The following GLRA3 variants were observed in gnomAD, a reference collection of about 807,000 sequenced individuals.
The protein encoded by GLRA3 is glycine receptor alpha 3.
GLRA3 carries 44 observed loss-of-function variants against 60.4 expected under a neutral mutation model. The observed-to-expected ratio is 0.73, with a 90% CI of 0.57 to 0.94. GLRA3 has a LOEUF of 0.94. Among genes scored for constraint, GLRA3 ranks in the 40% least tolerant of loss-of-function variants. The pLI is 0.00. For synonymous variants in GLRA3, 223 were observed against 192.9 expected (o/e 1.16, Z -1.29); for missense variants, 508 against 564.6 (o/e 0.90, Z 1.02).
chr4:174,693,684 G>C (rs532792775), intron 5 of GLRA3, among the ~76,000 whole-genome samples: 1 of 152,244 alleles, frequency 6.6e-6, no homozygotes, highest in Non-Finnish European at 1.5e-5. Flanking sequence ...CTAGTTCTGT[G>C]AAGAATGTCA....
chr4:174,742,901 T>C (rs1252131173), intron 3 of GLRA3, among the ~76,000 whole-genome samples: 1 of 152,160 alleles, frequency 6.6e-6, no homozygotes, highest in Non-Finnish European at 1.5e-5. Flanking sequence ...TTATTGAAGA[T>C]CCATTCTGTT....
chr4:174,659,278 T>C (rs1733341281), intron 7 of GLRA3, 81 bp from the exon 8 acceptor site: 1 of 1,020,484 alleles, frequency 9.8e-7, no homozygotes. Context: ...TTTTTCTGAT[T>C]CTGAATTATG....
At chr4:174,808,710 A>T (rs1397762059) in intron 1 of GLRA3, among the ~76,000 whole-genome samples, 1 of 152,056 alleles carries the variant, frequency 6.6e-6, no homozygotes, top group African/African-American at 2.4e-5. Context: ...GAGGTGGAAG[A>T]TGGTGATAGT....
intron 3 of GLRA3, among the ~76,000 whole-genome samples, chr4:174,745,201 T>C (rs1277079403): frequency 6.6e-6 from 1 of 152,044 alleles, no homozygotes; most frequent in South Asian, 2.1e-4. Context: ...GGTGAAGAAA[T>C]GTTAAAAGGG....
chr4:174,751,769 A>G (rs1432127476), intron 3 of GLRA3, among the ~76,000 whole-genome samples: 1 of 152,018 alleles, frequency 6.6e-6, no homozygotes, highest in Non-Finnish European at 1.5e-5. Flanking sequence ...AGAGGACAGT[A>G]TGGTTCCTGA....
intron 1 of GLRA3, among the ~76,000 whole-genome samples, chr4:174,795,765 G>T (rs1444914748): frequency 6.6e-6 from 1 of 152,150 alleles, no homozygotes. Context: ...ACACAAATCT[G>T]AATCTTTAAA....
At chr4:174,794,256 A>C (rs1739473073) in intron 1 of GLRA3, among the ~76,000 whole-genome samples, 1 of 152,194 alleles carries the variant, frequency 6.6e-6, no homozygotes, top group Non-Finnish European at 1.5e-5. Flanking sequence ...TAAGGTATTA[A>C]AAATTCTCCA....
At chr4:174,744,859 A>G (rs1226238778) in intron 3 of GLRA3, among the ~76,000 whole-genome samples, 2 of 152,202 alleles carry the variant, frequency 1.3e-5, no homozygotes, top group Non-Finnish European at 1.5e-5. Context: ...ATATTAAAAA[A>G]GCTTAGTGAG....
chr4:174,724,746 G>A (rs955972526), intron 4 of GLRA3, among the ~76,000 whole-genome samples: 1 of 152,048 alleles, frequency 6.6e-6, no homozygotes, highest in African/African-American at 2.4e-5. Flanking sequence ...ATCCAAGAAT[G>A]TTTTGATTTC....
chr4:174,651,804 CTTTGTGTTT>C (rs1411866884), intron 9 of GLRA3, among the ~76,000 whole-genome samples: 1 of 152,126 alleles, frequency 6.6e-6, no homozygotes, highest in Non-Finnish European at 1.5e-5. Flanking sequence ...ACCAAAGAGT[CTTTGTGTTT>C]TAAATGTGTT....
At chr4:174,756,369 T>G (rs965642099) in intron 3 of GLRA3, among the ~76,000 whole-genome samples, 3 of 152,126 alleles carry the variant, frequency 2.0e-5, no homozygotes, top group African/African-American at 7.2e-5. Context: ...ATTAGAAATT[T>G]AAATCTAGCA....
intron 4 of GLRA3, among the ~76,000 whole-genome samples, chr4:174,724,191 A>G (rs1736231935): frequency 6.6e-6 from 1 of 151,884 alleles, no homozygotes; most frequent in Admixed American, 6.6e-5. Flanking sequence ...TGGGGTTATT[A>G]CTGTGTTCAG....
intron 1 of GLRA3, among the ~76,000 whole-genome samples, chr4:174,805,896 A>C (rs1740031263): frequency 6.6e-6 from 1 of 152,148 alleles, no homozygotes; most frequent in Non-Finnish European, 1.5e-5. Flanking sequence ...TCAACTCTTC[A>C]AACTTTTGTG....
intron 1 of GLRA3, among the ~76,000 whole-genome samples, chr4:174,815,183 C>T (rs896292777): frequency 1.3e-5 from 2 of 152,222 alleles, no homozygotes; most frequent in African/African-American, 4.8e-5. Flanking sequence ...CCAAGATGAT[C>T]TCCTTTGACT....
chr4:174,747,533 G>A (rs890691574), intron 3 of GLRA3, among the ~76,000 whole-genome samples: 1 of 152,100 alleles, frequency 6.6e-6, no homozygotes, highest in African/African-American at 2.4e-5. Flanking sequence ...TGATTGGGTG[G>A]GTAGTAAGGG....
chr4:174,663,739 C>G (rs1474412759), intron 7 of GLRA3, among the ~76,000 whole-genome samples: 3 of 152,174 alleles, frequency 2.0e-5, no homozygotes, highest in African/African-American at 7.2e-5. Context: ...AAAATAAAGA[C>G]AGCAGTTCTT....
intron 3 of GLRA3, among the ~76,000 whole-genome samples, chr4:174,742,361 T>C (rs933889350): frequency 4.6e-5 from 7 of 152,188 alleles, no homozygotes; most frequent in Admixed American, 1.3e-4. Context: ...TTGTTCAGAA[T>C]GAAATAGTTG....
At chr4:174,703,324 C>G (rs1579474185) in intron 5 of GLRA3, among the ~76,000 whole-genome samples, 1 of 152,226 alleles carries the variant, frequency 6.6e-6, no homozygotes, top group East Asian at 1.9e-4. Flanking sequence ...CTTCATGATT[C>G]ACAGCTCCTG....
chr4:174,779,479 C>A (rs894126188), intron 2 of GLRA3, among the ~76,000 whole-genome samples: 3 of 152,168 alleles, frequency 2.0e-5, no homozygotes, highest in Non-Finnish European at 2.9e-5. Flanking sequence ...CTTTGACGAG[C>A]TGAGAGAAGG....
Sources: allele counts gnomAD v4.1 joint callset (sites outside exome capture counted in the v4.1 genomes callset), GRCh38; gene constraint gnomAD v4.1.1; transcripts MANE v1.5; gene names NCBI Gene and HGNC (gene_info 2026-07-23, HGNC 2026-07-21).